The following ZNF787 variants were observed in gnomAD, a reference collection of about 807,000 sequenced individuals.
The protein encoded by ZNF787 is TTF-I-interacting peptide 20.
Under a neutral mutation model 16.9 loss-of-function variants are expected in ZNF787, and 7 were observed. The observed-to-expected ratio is 0.42, with a 90% CI of 0.24 to 0.78. The LOEUF (loss-of-function observed/expected upper bound fraction) is 0.78. Among genes scored for constraint, ZNF787 ranks in the 30% least tolerant of loss-of-function variants. ZNF787 has a pLI of 0.30. For missense variants in ZNF787, 551 were observed against 589.3 expected, an observed-to-expected ratio of 0.94 and a Z score of 0.67; for synonymous variants, 345 against 270.9, an observed-to-expected ratio of 1.27 and a Z score of -2.69.
intron 2 of ZNF787, among the ~76,000 whole-genome samples, chr19:56,095,640 C>A (rs959307555): frequency 1.3e-5 from 2 of 152,204 alleles, no homozygotes; most frequent in African/African-American, 4.8e-5. Context: ...AGGACAGGGG[C>A]CCTGCTCGAT....
chr19:56,114,149 T>G (rs1341764574), intron 1 of ZNF787, among the ~76,000 whole-genome samples: 1 of 152,088 alleles, frequency 6.6e-6, no homozygotes, highest in Non-Finnish European at 1.5e-5. Flanking sequence ...CACCACAGGG[T>G]TCCATCTGGC....
chr19:56,109,382 C>T (rs530529588), intron 1 of ZNF787, among the ~76,000 whole-genome samples: 2 of 152,088 alleles, frequency 1.3e-5, no homozygotes, highest in African/African-American at 2.4e-5. Context: ...TGAAACCCCA[C>T]GTGAAACACG....
At chr19:56,106,424 G>A (rs1031422379) in intron 1 of ZNF787, among the ~76,000 whole-genome samples, 6 of 152,264 alleles carry the variant, frequency 3.9e-5, no homozygotes, top group Admixed American at 2.0e-4. Context: ...TTCTGTGGAC[G>A]TTCGCGTTCA....
chr19:56,089,117 G>GGTGA, intron 2 of ZNF787, 25 bp from the exon 3 acceptor site: 1 of 1,434,908 alleles, frequency 7.0e-7, no homozygotes. Flanking sequence ...GGTAGGGGGA[G>GGTGA]GTGAGTCAAG....
chr19:56,113,305 G>A (rs1021249172), intron 1 of ZNF787, among the ~76,000 whole-genome samples: 1 of 152,110 alleles, frequency 6.6e-6, no homozygotes, highest in Non-Finnish European at 1.5e-5. Context: ...GGAAACACCT[G>A]GCAGTTAGTT....
At chr19:56,115,353 GCTT>G (rs1568536374) in intron 1 of ZNF787, among the ~76,000 whole-genome samples, 2 of 138,840 alleles carry the variant, frequency 1.4e-5, no homozygotes, top group African/African-American at 2.8e-5. Context: ...TGATTTCGCT[GCTT>G]TTTTTTTTTT....
chr19:56,112,141 C>A (rs555604739), intron 1 of ZNF787, among the ~76,000 whole-genome samples: 155 of 152,254 alleles, frequency 1.0e-3, no homozygotes, highest in African/African-American at 3.5e-3. Context: ...GCACCAGGAG[C>A]TGCGGGGGCC....
chr19:56,109,188 C>G (rs2029908508), intron 1 of ZNF787, among the ~76,000 whole-genome samples: 1 of 152,106 alleles, frequency 6.6e-6, no homozygotes, highest in South Asian at 2.1e-4. Flanking sequence ...AGGGAAAAAG[C>G]CTAAAGGGGT....
intron 2 of ZNF787, among the ~76,000 whole-genome samples, chr19:56,092,051 A>AAAGCCGAAACCGAAGCCGAAGCCGAAG (rs1568523640): frequency 6.7e-6 from 1 of 148,760 alleles, no homozygotes; most frequent in African/African-American, 2.5e-5. Context: ...CCGAAGCCTC[A>AAAGCCGAAACCGAAGCCGAAGCCGAAG]CCCTCACCCT....
intron 2 of ZNF787, among the ~76,000 whole-genome samples, chr19:56,095,593 T>C (rs1194131156): frequency 6.6e-6 from 1 of 152,170 alleles, no homozygotes; most frequent in African/African-American, 2.4e-5. Flanking sequence ...CTGTCCCCAC[T>C]GTCATCAGGA....
intron 1 of ZNF787, among the ~76,000 whole-genome samples, chr19:56,117,406 C>T (rs140798754): frequency 3.4e-4 from 50 of 148,792 alleles, no homozygotes; most frequent in African/African-American, 1.2e-3. Flanking sequence ...AGAGCCACAG[C>T]GAGGCTTCCA....
rs534082059 is a variant in ZNF787 at position 56,107,129 on chromosome 19, C to T, written c.-10-3902G>A. Among the ~76,000 whole-genome samples, 7 of 152,250 alleles carry T rather than the reference C, an allele frequency of 4.6e-5. No individual in the cohort carries two copies. In the East Asian group the frequency reaches 5.8e-4, roughly 13 times the overall value. ...TCCAGGCACTGCTCTAAACGGCTGACGAACTGTGAGTAGATTGGGGTCCAT... is the reference window on the plus strand; with the variant it reads ...TCCAGGCACTGCTCTAAACGGCTGATGAACTGTGAGTAGATTGGGGTCCAT... On this transcript the variant is annotated intron_variant, in intron 1 of 2. Coordinates refer to ENST00000610935, the MANE Select transcript of ZNF787 (RefSeq NM_001002836.4).
At chr19:56,114,361 C>G (rs1374302409) in intron 1 of ZNF787, among the ~76,000 whole-genome samples, 1 of 150,740 alleles carries the variant, frequency 6.6e-6, no homozygotes, top group African/African-American at 2.4e-5. Context: ...TTGCCCCGGC[C>G]AGGCCTGGTC....
intron 2 of ZNF787, among the ~76,000 whole-genome samples, chr19:56,095,937 T>C (rs1454581844): frequency 6.6e-6 from 1 of 152,124 alleles, no homozygotes; most frequent in East Asian, 1.9e-4. Context: ...TTTATCCTCA[T>C]CCAGCTGTAT....
chr19:56,089,409 C>T (rs1431201773), intron 2 of ZNF787, among the ~76,000 whole-genome samples: 2 of 152,114 alleles, frequency 1.3e-5, no homozygotes, highest in South Asian at 4.1e-4. Context: ...CCACGGAAGG[C>T]TCCCAGAAAA....
intron 2 of ZNF787, among the ~76,000 whole-genome samples, chr19:56,097,651 G>A (rs756697051): frequency 4.6e-5 from 7 of 152,236 alleles, no homozygotes; most frequent in Admixed American, 6.5e-5. Context: ...TATAAAATCC[G>A]TACGTTTCTT....
intron 1 of ZNF787, among the ~76,000 whole-genome samples, chr19:56,106,955 C>T (rs1986347506): frequency 6.6e-6 from 1 of 152,236 alleles, no homozygotes; most frequent in Admixed American, 6.5e-5. Context: ...CAGAACGGAG[C>T]CAGCCCCACT....
At position 56,087,836 on chromosome 19, in the gene ZNF787, T is replaced by G. The variant is rs1985350170; in HGVS notation, c.*187A>C. 5 of 953,564 alleles carry G rather than the reference T, an allele frequency of 5.2e-6. No homozygotes were observed. Among genetic ancestry groups the G allele is most frequent in the Non-Finnish European group, 6.8e-6 (5 of 736,700 alleles). The allele number at this position is 953,564 out of a possible 1,614,324, so 59.1% of individuals were successfully genotyped here. A position where few individuals can be genotyped will look rare whatever the true frequency, so the allele number is the denominator to read the frequency against. On this transcript the variant is annotated 3_prime_UTR_variant, in exon 3 of 3. Coordinates refer to ENST00000610935, the MANE Select transcript of ZNF787 (RefSeq NM_001002836.4). ...GGGGCAGAGTCTCGAGGCGGAGAAG[T>G]GAACGGGCCCTAATACGCCCCAGTG... is the stretch of plus-strand genomic sequence containing the variant.
intron 2 of ZNF787, among the ~76,000 whole-genome samples, chr19:56,101,200 T>C (rs1030403831): frequency 1.5e-4 from 20 of 134,828 alleles, no homozygotes; most frequent in African/African-American, 5.5e-4. Context: ...CCACCTACGA[T>C]GTCTGTCACT....
Sources: gnomAD v4.1 joint callset for allele counts (sites outside exome capture counted in the v4.1 genomes callset) on GRCh38, gnomAD v4.1.1 for gene constraint, MANE v1.5 for transcripts, NCBI Gene and HGNC (gene_info 2026-07-23, HGNC 2026-07-21) for gene names.